Variants in PACC1 observed in about 807,000 individuals in gnomAD.
PACC1 encodes the protein proton-activated chloride channel.
Under a neutral mutation model 39.7 loss-of-function variants are expected in PACC1, and 34 were observed. That is an observed-to-expected ratio of 0.86 (90% CI 0.65 to 1.14). The LOEUF (loss-of-function observed/expected upper bound fraction) is 1.14, where lower values mean the gene tolerates loss of function less well. PACC1 is among the 50% of genes most tolerant of loss of function. The pLI is 0.00. For missense variants in PACC1, 379 were observed against 436.4 expected (o/e 0.87, Z 1.17); for synonymous variants, 127 against 160.6 (o/e 0.79, Z 1.58).
At chr1:212,383,372 A>C (rs1571647490) in intron 4 of PACC1, among the ~76,000 whole-genome samples, 1 of 152,224 alleles carries the variant, frequency 6.6e-6, no homozygotes, top group East Asian at 1.9e-4. Flanking sequence ...CATCCAGAGA[A>C]TAGGCACCTA....
At chr1:212,397,601 T>G (rs1246171418) in intron 2 of PACC1, among the ~76,000 whole-genome samples, 1 of 152,216 alleles carries the variant, frequency 6.6e-6, no homozygotes, top group Non-Finnish European at 1.5e-5. Context: ...TCTACATGCA[T>G]GATTTTGTAC....
At position 212,379,936 on chromosome 1, in the gene PACC1, A is replaced by G. The variant is rs1332271349; in HGVS notation, c.597T>C (p.Ile199=). 8.7e-6 allele frequency: 14 copies of G among 1,614,210 alleles called. No individual in the cohort carries two copies. In the Middle Eastern group the frequency reaches 4.9e-4, roughly 57 times the overall value. The change falls in exon 5 of 8, where the codon ATT becomes ATC. Residue 199 remains isoleucine, a synonymous_variant. Transcript: ENST00000261455. ...LNKSSEDFSA[I]DYLLFSSFQE... ...GGAAAGAAGAGAAGAGGAGGTAATC[A>G]ATGGCGCTGAAGTCCTCACTACTCT...
At chr1:212,396,844 CTATCTATT>C (rs745411620) in intron 2 of PACC1, among the ~76,000 whole-genome samples, 2,817 of 106,186 alleles carry the variant, frequency 0.027, 32 homozygotes, top group Non-Finnish European at 0.037. Flanking sequence ...ATCTATCTAT[CTATCTATT>C]ACATATAGAG....
intron 7 of PACC1, among the ~76,000 whole-genome samples, chr1:212,370,795 A>G (rs1435746186): frequency 6.6e-6 from 1 of 152,250 alleles, no homozygotes; most frequent in Non-Finnish European, 1.5e-5. Context: ...CAAAAGCAGT[A>G]CTAAGAGGGA....
At chr1:212,389,291 A>G (rs189660435) in intron 2 of PACC1, among the ~76,000 whole-genome samples, 88 of 152,316 alleles carry the variant, frequency 5.8e-4, no homozygotes, top group Admixed American at 4.1e-3. Context: ...CTGCAACTAA[A>G]TATATGTTCA....
intron 2 of PACC1, among the ~76,000 whole-genome samples, chr1:212,396,796 A>ATATCTATC (rs56926217): frequency 2.0e-5 from 3 of 146,738 alleles, no homozygotes; most frequent in African/African-American, 5.0e-5. Flanking sequence ...AGGGAAAAAA[A>ATATCTATC]TATCTATCTA....
chr1:212,414,339 G>C (rs1019216393), intron 1 of PACC1, among the ~76,000 whole-genome samples: 2 of 152,224 alleles, frequency 1.3e-5, no homozygotes, highest in Non-Finnish European at 1.5e-5. Flanking sequence ...GGGCGCGGGC[G>C]CTCCACTTGT....
chr1:212,381,770 GACACACACAC>G (rs10529310), intron 4 of PACC1, among the ~76,000 whole-genome samples: 4 of 118,080 alleles, frequency 3.4e-5, no homozygotes, highest in East Asian at 2.4e-4. Context: ...ACAGCACAGT[GACACACACAC>G]ACACACACAC....
chr1:212,414,186 C>T (rs1202401811), intron 1 of PACC1: 19 of 1,246,150 alleles, frequency 1.5e-5, no homozygotes, highest in Non-Finnish European at 2.0e-5. Context: ...TAGCAGAGTC[C>T]ATGAAGGCAC....
At chr1:212,406,105 C>CAAAAA (rs58332482) in intron 2 of PACC1, among the ~76,000 whole-genome samples, 4 of 55,634 alleles carry the variant, frequency 7.2e-5, no homozygotes, top group Non-Finnish European at 1.3e-4. Flanking sequence ...TCCCACCCCA[C>CAAAAA]AAAAAAAAAA....
At chr1:212,382,114 C>T (rs1174683890) in intron 4 of PACC1, among the ~76,000 whole-genome samples, 1 of 152,020 alleles carries the variant, frequency 6.6e-6, no homozygotes, top group East Asian at 1.9e-4. Flanking sequence ...TCTCGGCTCA[C>T]TGCAAGCTCC....
chr1:212,395,909 A>G (rs1350144033), intron 2 of PACC1, among the ~76,000 whole-genome samples: 1 of 152,242 alleles, frequency 6.6e-6, no homozygotes, highest in Admixed American at 6.5e-5. Flanking sequence ...ACCAGTTAGA[A>G]TGGCGATCAT....
intron 2 of PACC1, chr1:212,387,481 C>T (rs1384299058): frequency 4.5e-6 from 1 of 221,352 alleles, no homozygotes; most frequent in African/African-American, 2.3e-5. Flanking sequence ...TGAGCTGGCC[C>T]CAACCTACCT....
At chr1:212,401,622 C>CAAA (rs770201392) in intron 2 of PACC1, among the ~76,000 whole-genome samples, 215 of 44,800 alleles carry the variant, frequency 4.8e-3, no homozygotes, top group Non-Finnish European at 7.1e-3. Flanking sequence ...ACTCTTGTCT[C>CAAA]AAAAAAAAAA....
intron 1 of PACC1, among the ~76,000 whole-genome samples, chr1:212,412,829 T>G (rs966848510): frequency 6.6e-6 from 1 of 152,184 alleles, no homozygotes; most frequent in East Asian, 1.9e-4. Context: ...GAGCTATCAT[T>G]CACTGTGGGG....
rs185662240 is a variant in PACC1, at chr1:212,399,266, C to A, written c.133+11159G>T. Among the ~76,000 whole-genome samples, 13 of 152,310 alleles carry A rather than the reference C, an allele frequency of 8.5e-5. No homozygotes were observed. In the South Asian group the frequency reaches 2.1e-3, roughly 24 times the overall value. On this transcript the variant is annotated intron_variant, in intron 2 of 7. Transcript: ENST00000261455. ...GGACCTAAAAGGCCATCTGGCCTAA[C>A]TCTACTCTTTGTACAACAATCCAGA...
Position 212,364,730 on chromosome 1 carries a change from G to A in PACC1, c.*485C>T, listed in dbSNP as rs1660169377. The A allele has an allele frequency of 6.6e-6, 1 of 152,662 alleles. No individual in the cohort carries two copies. Among genetic ancestry groups the A allele is most frequent in the Non-Finnish European group, 1.5e-5 (1 of 68,052 alleles). The allele number at this position is 152,662 out of a possible 1,614,324, so 9.5% of individuals were successfully genotyped here. A position where few individuals can be genotyped will look rare whatever the true frequency, so the allele number is the denominator to read the frequency against. On this transcript the variant is annotated 3_prime_UTR_variant, in exon 8 of 8. Coordinates refer to ENST00000261455, the MANE Select transcript of PACC1 (RefSeq NM_018252.3). ...CAGAGGCTGGACATCAATGGCAGAT[G>A]ATGCCAAAGTCATAGGGTTTTGCCT...
intron 7 of PACC1, among the ~76,000 whole-genome samples, chr1:212,367,358 T>C (rs554112578): frequency 1.3e-5 from 2 of 152,114 alleles, no homozygotes; most frequent in South Asian, 4.2e-4. Flanking sequence ...TCTGTGAGCT[T>C]GGGAGAGGGA....
intron 6 of PACC1, 71 bp downstream of exon 6, chr1:212,377,491 A>G (rs1660707472): frequency 1.3e-6 from 2 of 1,592,746 alleles, no homozygotes; most frequent in African/African-American, 2.7e-5. Flanking sequence ...TTCTCTGCAA[A>G]GCTTCCCTCC....
Sources: allele counts gnomAD v4.1 joint callset (sites outside exome capture counted in the v4.1 genomes callset), GRCh38; gene constraint gnomAD v4.1.1; transcripts MANE v1.5; gene names NCBI Gene and HGNC (gene_info 2026-07-23, HGNC 2026-07-21).